Variants in ZNF366 observed in about 807,000 individuals in gnomAD.
The protein encoded by ZNF366 is dendritic cell-specific transcript protein.
ZNF366 carries 20 observed loss-of-function variants against 47.2 expected under a neutral mutation model. The observed-to-expected ratio is 0.42, with a 90% CI of 0.30 to 0.62. The LOEUF (loss-of-function observed/expected upper bound fraction) is 0.62. Among genes scored for constraint, ZNF366 ranks in the 20% least tolerant of loss-of-function variants. The pLI is 0.16. For synonymous variants in ZNF366, 421 were observed against 395.1 expected, an observed-to-expected ratio of 1.07 and a Z score of -0.78; for missense variants, 987 against 976.3, an observed-to-expected ratio of 1.01 and a Z score of -0.15.
At position 72,443,351 on chromosome 5, in the gene ZNF366, T is replaced by C. The variant is rs750467047; in HGVS notation, c.*405A>G. 12 of 160,822 alleles carry C rather than the reference T, an allele frequency of 7.5e-5. No individual in the cohort carries two copies. Among genetic ancestry groups the C allele is most frequent in the Non-Finnish European group, 1.6e-4 (12 of 73,534 alleles). The allele number at this position is 160,822 out of a possible 1,614,324, so 10.0% of individuals were successfully genotyped here. ...ATCTATATGGAAAATATTATAACCT[T>C]CACAAATTCACCTAAATAGTTATTA... On this transcript the variant is annotated 3_prime_UTR_variant, in exon 5 of 5. Transcript: ENST00000318442.
chr5:72,447,396 G>T lies in ZNF366; in HGVS notation c.1546C>A (p.Arg516=). The change falls in exon 4 of 5, where the codon CGG becomes AGG. Residue 516 remains arginine (R), a synonymous_variant. Coordinates refer to ENST00000318442, the MANE Select transcript of ZNF366 (RefSeq NM_152625.3). Reference sequence around the variant, plus strand: ...ATGTGGCCCATCAGGTTGTGCATCCGGTTGAATTCCTTCCCACAAAGCTGT... The same window carrying T: ...ATGTGGCCCATCAGGTTGTGCATCCTGTTGAATTCCTTCCCACAAAGCTGT... ...KCKLCGKEFN[R]MHNLMGHMHL... 1 of 1,614,164 alleles carries T rather than the reference G, an allele frequency of 6.2e-7. No individual in the cohort carries two copies. Among genetic ancestry groups the T allele is most frequent in the Non-Finnish European group, 8.5e-7 (1 of 1,180,028 alleles).
intron 1 of ZNF366, among the ~76,000 whole-genome samples, chr5:72,487,058 A>G (rs1254168245): frequency 6.6e-6 from 1 of 152,248 alleles, no homozygotes; most frequent in Non-Finnish European, 1.5e-5. Flanking sequence ...TACAGGCATG[A>G]GCCACTACGC....
At chr5:72,480,369 C>T (rs902936523) in intron 1 of ZNF366, among the ~76,000 whole-genome samples, 1 of 152,128 alleles carries the variant, frequency 6.6e-6, no homozygotes, top group African/African-American at 2.4e-5. Context: ...TAAGTGCTTT[C>T]CCGTAACTTA....
chr5:72,443,870 A>G lies in ZNF366; in HGVS notation c.2121T>C (p.Ser707=). 6.2e-7 allele frequency: 1 copy of G among 1,614,122 alleles called. No individual in the cohort carries two copies. The highest frequency in any genetic ancestry group is 8.5e-7 in the Non-Finnish European group (1 of 1,180,012). The change falls in exon 5 of 5, where the codon AGT becomes AGC. Residue 707 remains serine, a synonymous_variant. Transcript: ENST00000318442. Reference sequence around the variant, plus strand: ...CAGAAAAAGAGGGGCCCCGCCGGGTACTCTGAAAAGCCCTGAGACTGAGAC... The same window carrying G: ...CAGAAAAAGAGGGGCCCCGCCGGGTGCTCTGAAAAGCCCTGAGACTGAGAC... ...DECLSLRAFQ[S]TRRGPSFSDY...
Position 72,460,591 on chromosome 5 carries a change from G to A in ZNF366, c.906C>T (p.Thr302=). The change falls in exon 2 of 5, where the codon ACC becomes ACT. Residue 302 remains threonine, a synonymous_variant. Coordinates refer to ENST00000318442, the MANE Select transcript of ZNF366 (RefSeq NM_152625.3). ...QLSHLHTHML[T]HQGTRPHKCQ... is the part of the protein sequence containing the mutation. ...ACTTGTGGGGCCGCGTGCCCTGGTG[G>A]GTCAGCATGTGGGTATGCAGGTGGC... is the stretch of plus-strand genomic sequence containing the variant. 6.2e-7 allele frequency: 1 copy of A among 1,614,126 alleles called. No individual in the cohort carries two copies.
At chr5:72,454,439 C>A (rs1035011091) in intron 3 of ZNF366, among the ~76,000 whole-genome samples, 4 of 152,130 alleles carry the variant, frequency 2.6e-5, no homozygotes, top group African/African-American at 9.7e-5. Flanking sequence ...TGCCTTTGTA[C>A]CCTCAAACCA....
chr5:72,454,830 G>T (rs1743147266), intron 3 of ZNF366, among the ~76,000 whole-genome samples: 1 of 152,168 alleles, frequency 6.6e-6, no homozygotes. Context: ...GAAGTGGGAA[G>T]GAAATGAAAG....
intron 1 of ZNF366, among the ~76,000 whole-genome samples, chr5:72,503,521 G>T (rs1375001861): frequency 1.4e-5 from 2 of 147,746 alleles, no homozygotes. Flanking sequence ...GCCCGTAGGT[G>T]AATTCTAATA....
intron 1 of ZNF366, among the ~76,000 whole-genome samples, chr5:72,467,940 A>T (rs567538519): frequency 1.8e-4 from 27 of 152,170 alleles, no homozygotes; most frequent in Non-Finnish European, 3.5e-4. Flanking sequence ...GGTGGGGAGG[A>T]CTACAGGAAG....
At position 72,443,735 on chromosome 5, in the gene ZNF366, T is replaced by C; in HGVS notation, c.*21A>G. The C allele has an allele frequency of 6.3e-7, 1 of 1,589,834 alleles. No homozygotes were observed. The highest frequency in any genetic ancestry group is 8.6e-7 in the Non-Finnish European group (1 of 1,168,838). The stretch of plus-strand genomic sequence containing the variant: ...AACTGCCTCCTTCTCATTTTCCAAA[T>C]GTAATTTTAAAACTGTCCACTTAGA... On this transcript the variant is annotated 3_prime_UTR_variant, in exon 5 of 5. Coordinates refer to ENST00000318442, the MANE Select transcript of ZNF366 (RefSeq NM_152625.3).
chr5:72,498,941 G>A (rs566990106), intron 1 of ZNF366, among the ~76,000 whole-genome samples: 47 of 152,300 alleles, frequency 3.1e-4, no homozygotes, highest in African/African-American at 1.1e-3. Flanking sequence ...CCAACTGCAT[G>A]TATTAAAGAT....
At chr5:72,448,598 T>C (rs1743004109) in intron 3 of ZNF366, among the ~76,000 whole-genome samples, 1 of 152,142 alleles carries the variant, frequency 6.6e-6, no homozygotes, top group South Asian at 2.1e-4. Flanking sequence ...CAGAGGCCAG[T>C]GGAGCTGGGG....
At chr5:72,496,564 T>C (rs1744116863) in intron 1 of ZNF366, among the ~76,000 whole-genome samples, 1 of 152,212 alleles carries the variant, frequency 6.6e-6, no homozygotes, top group Non-Finnish European at 1.5e-5. Context: ...TTGTTTCCAG[T>C]TGGGGGCATT....
intron 3 of ZNF366, among the ~76,000 whole-genome samples, chr5:72,455,815 A>G (rs1374529381): frequency 6.6e-6 from 1 of 152,220 alleles, no homozygotes; most frequent in African/African-American, 2.4e-5. Context: ...CTGTGCTCGC[A>G]GTTATTCCAC....
chr5:72,453,154 G>A (rs1743109233), intron 3 of ZNF366, among the ~76,000 whole-genome samples: 1 of 152,176 alleles, frequency 6.6e-6, no homozygotes, highest in Non-Finnish European at 1.5e-5. Context: ...CTGAGCACTG[G>A]GCTGGAGAAG....
chr5:72,484,458 TG>T (rs1317800230), intron 1 of ZNF366, among the ~76,000 whole-genome samples: 6 of 144,102 alleles, frequency 4.2e-5, no homozygotes, highest in Non-Finnish European at 9.0e-5. Flanking sequence ...CACTCCAGCC[TG>T]GGCGACAGAG....
chr5:72,480,862 C>T (rs1743776359), intron 1 of ZNF366, among the ~76,000 whole-genome samples: 1 of 152,162 alleles, frequency 6.6e-6, no homozygotes, highest in Admixed American at 6.5e-5. Context: ...TGTAGAAATT[C>T]ATGGAAAATT....
At chr5:72,449,838 G>A (rs376908019) in intron 3 of ZNF366, among the ~76,000 whole-genome samples, 38 of 152,186 alleles carry the variant, frequency 2.5e-4, no homozygotes, top group Non-Finnish European at 8.8e-5. Context: ...CATAGCCACG[G>A]AAGAATTGAT....
chr5:72,446,948 CT>C (rs1175940162), intron 4 of ZNF366, among the ~76,000 whole-genome samples: 1 of 152,170 alleles, frequency 6.6e-6, no homozygotes, highest in Non-Finnish European at 1.5e-5. Flanking sequence ...GTTCTTCCAG[CT>C]TGGAGTTGCC....
Sources: allele counts gnomAD v4.1 joint callset (sites outside exome capture counted in the v4.1 genomes callset), GRCh38; gene constraint gnomAD v4.1.1; transcripts MANE v1.5; gene names NCBI Gene and HGNC (gene_info 2026-07-23, HGNC 2026-07-21).